Variants in FAAH2 observed in about 807,000 individuals in gnomAD.
FAAH2 encodes fatty-acid amide hydrolase 2.
Under a neutral mutation model 36.9 loss-of-function variants are expected in FAAH2, and 60 were observed. The ratio of observed to expected loss-of-function variants is 1.63; its 90% confidence interval spans 1.32 to 2.02. The LOEUF (loss-of-function observed/expected upper bound fraction) is 2.02. Among genes scored for constraint, FAAH2 ranks in the 30% most tolerant of loss-of-function variants. The pLI, the probability that FAAH2 is intolerant of heterozygous loss-of-function variation, is 0.00. For synonymous variants in FAAH2, 214 were observed against 143.8 expected, an observed-to-expected ratio of 1.49 and a Z score of -3.49; for missense variants, 689 against 397.5, an observed-to-expected ratio of 1.73 and a Z score of -6.23.
the FAAH2 span, among the ~76,000 whole-genome samples, chrX:57,177,021 A>C: frequency 9.0e-6 from 1 of 111,106 alleles, no homozygotes; most frequent in Non-Finnish European, 1.9e-5. Context: ...CTTAAAAAAA[A>C]AATCCCCAGT....
At chrX:57,422,079 G>GA (rs1347483455) in intron 7 of FAAH2, among the ~76,000 whole-genome samples, 245 of 107,205 alleles carry the variant, frequency 2.3e-3, no homozygotes, top group South Asian at 0.013. Flanking sequence ...ACAGACATAG[G>GA]AAAAAAAAAA....
chrX:57,306,039 G>T (rs182264581), intron 2 of FAAH2, among the ~76,000 whole-genome samples: 6 of 112,104 alleles, frequency 5.4e-5, no homozygotes, highest in African/African-American at 1.9e-4. Context: ...CTTTACTGAG[G>T]TTCCAAGTTT....
chrX:57,360,078 C>T (rs1234268802), intron 5 of FAAH2, among the ~76,000 whole-genome samples: 4 of 108,865 alleles, frequency 3.7e-5, no homozygotes, highest in Admixed American at 9.9e-5. Context: ...TCTTTCTGCA[C>T]AGTGAGTAGC....
intron 5 of FAAH2, among the ~76,000 whole-genome samples, chrX:57,358,416 A>G (rs2054212176): frequency 9.0e-6 from 1 of 111,281 alleles, no homozygotes; most frequent in Non-Finnish European, 1.9e-5. Flanking sequence ...AGTTTGACAA[A>G]TTTAGATAAC....
the FAAH2 span, among the ~76,000 whole-genome samples, chrX:57,280,989 C>T: frequency 8.9e-6 from 1 of 111,879 alleles, no homozygotes; most frequent in South Asian, 3.7e-4. Context: ...CAATACTGCA[C>T]GATTTGTTTT....
At chrX:57,295,214 T>C (rs761936601) in intron 2 of FAAH2, among the ~76,000 whole-genome samples, 2 of 112,083 alleles carry the variant, frequency 1.8e-5, no homozygotes, top group African/African-American at 6.5e-5. Context: ...CCAGTATTTC[T>C]GAGGGTGTGT....
intron 2 of FAAH2, among the ~76,000 whole-genome samples, chrX:57,299,183 G>A: frequency 8.9e-6 from 1 of 111,994 alleles, no homozygotes; most frequent in Middle Eastern, 4.6e-3. Context: ...TATCCTTGAT[G>A]AACATTGATG....
At chrX:57,256,510 G>T in the FAAH2 span, among the ~76,000 whole-genome samples, 1 of 111,680 alleles carries the variant, frequency 9.0e-6, no homozygotes, top group South Asian at 3.7e-4. Flanking sequence ...CACGCTACCT[G>T]ACTTCAAATT....
chrX:57,482,731 G>C (rs866982785), intron 10 of FAAH2, among the ~76,000 whole-genome samples: 1 of 24,882 alleles, frequency 4.0e-5, no homozygotes, highest in Non-Finnish European at 8.2e-5. Flanking sequence ...TTTTTTTTTT[G>C]CTTGTCTGGG....
At chrX:57,181,325 T>C in the FAAH2 span, among the ~76,000 whole-genome samples, 12 of 111,970 alleles carry the variant, frequency 1.1e-4, no homozygotes, top group Non-Finnish European at 2.3e-4. Context: ...CACATGATTC[T>C]ATATCTAGAA....
intron 2 of FAAH2, among the ~76,000 whole-genome samples, chrX:57,295,182 A>G (rs770688699): frequency 1.8e-5 from 2 of 112,004 alleles, no homozygotes; most frequent in East Asian, 5.7e-4. Flanking sequence ...AATTCTGAGA[A>G]GCAGCTGCCA....
intron 5 of FAAH2, among the ~76,000 whole-genome samples, chrX:57,368,578 A>C (rs2054476852): frequency 1.8e-5 from 2 of 111,815 alleles, no homozygotes; most frequent in African/African-American, 6.5e-5. Flanking sequence ...GTGGAGCAGC[A>C]CCAGAGACAC....
chrX:57,336,153 A>C (rs2053546298), intron 4 of FAAH2, among the ~76,000 whole-genome samples: 1 of 111,288 alleles, frequency 9.0e-6, no homozygotes, highest in Admixed American at 9.6e-5. Flanking sequence ...AAAGAAGGGA[A>C]AATAGCCTGT....
chrX:57,381,084 C>T (rs2054834168), intron 7 of FAAH2, 55 bp downstream of exon 7: 3 of 917,917 alleles, frequency 3.3e-6, no homozygotes, highest in Non-Finnish European at 4.6e-6. Flanking sequence ...AGATATCCTT[C>T]TGAGCCCTTT....
At chrX:57,380,802 T>A in intron 6 of FAAH2, 110 bp from the exon 7 acceptor site, 2 of 466,666 alleles carry the variant, frequency 4.3e-6, no homozygotes, top group Non-Finnish European at 7.3e-6. Flanking sequence ...TGGCACACAG[T>A]GCTCAGGGAA....
chrX:57,278,228 TGG>T, the FAAH2 span, among the ~76,000 whole-genome samples: 1 of 111,299 alleles, frequency 9.0e-6, no homozygotes, highest in Non-Finnish European at 1.9e-5. Context: ...AGAAGATATA[TGG>T]ACCAATGGAA....
the FAAH2 span, among the ~76,000 whole-genome samples, chrX:57,274,409 G>A: frequency 2.7e-5 from 3 of 111,955 alleles, no homozygotes; most frequent in African/African-American, 6.5e-5. Flanking sequence ...ATTTCATGAG[G>A]CCAGAATCAT....
chrX:57,151,522 C>G, the FAAH2 span, among the ~76,000 whole-genome samples: 8 of 111,812 alleles, frequency 7.2e-5, no homozygotes, highest in African/African-American at 9.7e-5. Context: ...CATCTTCCAT[C>G]GTTGATACCC....
rs756594810 is a variant in FAAH2 at position 57,310,650 on chromosome X, G to A, written c.333G>A (p.Gln111=). 57 of 1,207,761 alleles carry A rather than the reference G, an allele frequency of 4.7e-5. No homozygotes were observed. The highest frequency in any genetic ancestry group is 2.8e-4 in the South Asian group (16 of 56,317). The part of the protein sequence containing the change: ...HAVDQKLAEK[Q]EDEATLENKW... ...TAGATCAAAAGCTTGCAGAGAAGCA[G>A]GAAGATGAAGCCACCCTGGAAAATA... is the stretch of plus-strand genomic sequence containing the variant. Residue 111 remains glutamine, a synonymous_variant, in exon 3 of 11, where the codon CAG becomes CAA. Coordinates refer to ENST00000374900, the MANE Select transcript of FAAH2 (RefSeq NM_174912.4).
Sources: gnomAD v4.1 joint callset for allele counts (sites outside exome capture counted in the v4.1 genomes callset) on GRCh38, gnomAD v4.1.1 for gene constraint, MANE v1.5 for transcripts, NCBI Gene and HGNC (gene_info 2026-07-23, HGNC 2026-07-21) for gene names.